The following CDH13 variants were observed in gnomAD, a reference collection of about 807,000 sequenced individuals.
CDH13 encodes cadherin 13.
In CDH13, 24 loss-of-function variants were observed where a neutral mutation model predicts 63.8. The observed-to-expected ratio is 0.38, with a 90% CI of 0.27 to 0.53. The LOEUF is 0.53. Among genes scored for constraint, CDH13 ranks in the 20% least tolerant of loss-of-function variants. The probability of loss-of-function intolerance (pLI) is 0.85; values close to 1 mark genes in which losing one functional copy is unlikely to be tolerated. For synonymous variants in CDH13, 503 were observed against 355.3 expected (o/e 1.42, Z -4.67); for missense variants, 1,049 against 903.1 (o/e 1.16, Z -2.07).
chr16:83,693,385 G>A lies in CDH13; in HGVS notation c.1538+14924G>A, dbSNP rs184926703. Among the ~76,000 whole-genome samples the A allele has an allele frequency of 1.4e-3, 213 of 152,330 alleles. 1 individual carries two copies. Among genetic ancestry groups the A allele is most frequent in the African/African-American group, 4.7e-3 (195 of 41,572 alleles). On this transcript the variant is annotated intron_variant, in intron 10 of 13. Transcript: ENST00000567109. ...ATTTTTAGCAAAATGAGCATAATGC[G>A]TAGTCATTTACTAAAGGTGTCTCTT...
intron 1 of CDH13, among the ~76,000 whole-genome samples, chr16:82,836,536 C>A (rs183190070): frequency 3.2e-4 from 49 of 152,238 alleles, no homozygotes; most frequent in African/African-American, 1.1e-3. Flanking sequence ...ATGTATCCCA[C>A]TTTGAGGAAT....
At chr16:82,923,374 A>C (rs182581143) in intron 2 of CDH13, among the ~76,000 whole-genome samples, 5 of 152,246 alleles carry the variant, frequency 3.3e-5, no homozygotes, top group African/African-American at 1.2e-4. Flanking sequence ...TTCAGTACAT[A>C]AGCATATTTA....
intron 5 of CDH13, among the ~76,000 whole-genome samples, chr16:83,311,773 T>A (rs2090005573): frequency 6.6e-6 from 1 of 152,170 alleles, no homozygotes; most frequent in Non-Finnish European, 1.5e-5. Context: ...CTACGCATCT[T>A]CCTAATAAAA....
intron 2 of CDH13, among the ~76,000 whole-genome samples, chr16:82,994,940 C>T (rs544836364): frequency 3.9e-5 from 6 of 152,282 alleles, no homozygotes; most frequent in South Asian, 4.1e-4. Context: ...GAACTTGATG[C>T]GGCTCCATTT....
At chr16:83,790,868 GA>G (rs1414292482) in intron 13 of CDH13, among the ~76,000 whole-genome samples, 1 of 152,218 alleles carries the variant, frequency 6.6e-6, no homozygotes, top group Non-Finnish European at 1.5e-5. Context: ...AACTTGTCGG[GA>G]AACCATTTCT....
chr16:82,672,010 C>T (rs1009157849), intron 1 of CDH13, among the ~76,000 whole-genome samples: 2 of 152,158 alleles, frequency 1.3e-5, no homozygotes, highest in Admixed American at 6.5e-5. Context: ...AGAATGGCAT[C>T]ATTTCCAGAA....
chr16:82,674,668 A>G (rs771832653), intron 1 of CDH13, among the ~76,000 whole-genome samples: 8 of 152,230 alleles, frequency 5.3e-5, no homozygotes, highest in Non-Finnish European at 1.2e-4. Flanking sequence ...ATTGAGAAAT[A>G]TGAGATGTGT....
intron 10 of CDH13, chr16:83,717,928 A>C (rs1350639311): frequency 1.3e-5 from 2 of 152,236 alleles, no homozygotes; most frequent in East Asian, 3.9e-4. Context: ...AACTGGAACT[A>C]ATTCACCACT....
At chr16:83,342,535 G>C (rs2090748083) in intron 5 of CDH13, among the ~76,000 whole-genome samples, 1 of 152,152 alleles carries the variant, frequency 6.6e-6, no homozygotes, top group Admixed American at 6.6e-5. Context: ...ACTCTGATTA[G>C]TTTTGTAACA....
chr16:82,692,967 T>G (rs934669718), intron 1 of CDH13, among the ~76,000 whole-genome samples: 5 of 152,162 alleles, frequency 3.3e-5, no homozygotes, highest in African/African-American at 7.2e-5. Flanking sequence ...GTGATCGTTT[T>G]ACAAAAGATT....
At chr16:82,741,629 AAAG>A (rs1450154378) in intron 1 of CDH13, among the ~76,000 whole-genome samples, 1 of 152,222 alleles carries the variant, frequency 6.6e-6, no homozygotes, top group Non-Finnish European at 1.5e-5. Flanking sequence ...GTTGGATTGA[AAAG>A]AAGGAGATTT....
intron 7 of CDH13, among the ~76,000 whole-genome samples, chr16:83,568,763 T>C (rs996815113): frequency 6.6e-6 from 1 of 152,078 alleles, no homozygotes; most frequent in Admixed American, 6.5e-5. Context: ...ACTCTCCCTT[T>C]CCTCCCTCAG....
At chr16:82,848,449 G>C (rs2039353630) in intron 1 of CDH13, among the ~76,000 whole-genome samples, 1 of 152,110 alleles carries the variant, frequency 6.6e-6, no homozygotes, top group Non-Finnish European at 1.5e-5. Context: ...AACAGTATGT[G>C]ATCACTTTGT....
intron 2 of CDH13, among the ~76,000 whole-genome samples, chr16:82,897,888 C>T (rs558650380): frequency 5.9e-5 from 9 of 152,288 alleles, no homozygotes; most frequent in Non-Finnish European, 1.2e-4. Context: ...CACTAGTCGG[C>T]AAACATTTAT....
chr16:83,769,239 T>C (rs1170131575), intron 11 of CDH13, among the ~76,000 whole-genome samples: 1 of 152,144 alleles, frequency 6.6e-6, no homozygotes. Context: ...GGGAGGTGTG[T>C]CTGAAAAACA....
At chr16:83,318,755 C>A (rs939357198) in intron 5 of CDH13, among the ~76,000 whole-genome samples, 2 of 152,166 alleles carry the variant, frequency 1.3e-5, no homozygotes, top group East Asian at 1.9e-4. Context: ...GAACAAATGG[C>A]GAGGCACTGG....
intron 1 of CDH13, among the ~76,000 whole-genome samples, chr16:82,797,594 AG>A (rs1263743200): frequency 2.0e-5 from 3 of 152,158 alleles, no homozygotes; most frequent in Middle Eastern, 3.2e-3. Context: ...TAGAAAACAA[AG>A]AGACTTCCTC....
At chr16:83,460,795 C>G (rs1007634070) in intron 6 of CDH13, among the ~76,000 whole-genome samples, 11 of 149,816 alleles carry the variant, frequency 7.3e-5, no homozygotes, top group African/African-American at 2.5e-4. Flanking sequence ...GGATTTTGTC[C>G]AAGATCAGCC....
intron 11 of CDH13, among the ~76,000 whole-genome samples, chr16:83,778,359 A>T (rs9921516): frequency 0.084 from 12,831 of 152,202 alleles, 1,560 homozygotes; most frequent in African/African-American, 0.27. Context: ...GTGAAATCCC[A>T]TCTCTACTAA....
Sources: allele counts gnomAD v4.1 joint callset (sites outside exome capture counted in the v4.1 genomes callset), GRCh38; gene constraint gnomAD v4.1.1; transcripts MANE v1.5; gene names NCBI Gene and HGNC (gene_info 2026-07-23, HGNC 2026-07-21).